The following CLSTN2 variants were observed in gnomAD, a reference collection of about 807,000 sequenced individuals.
CLSTN2 encodes calsyntenin 2.
CLSTN2 carries 48 observed loss-of-function variants against 101.2 expected under a neutral mutation model. The ratio of observed to expected loss-of-function variants is 0.47; its 90% CI spans 0.38 to 0.60. The LOEUF (loss-of-function observed/expected upper bound fraction) is 0.60, where lower values mean the gene tolerates loss of function less well. CLSTN2 is among the 20% of genes least tolerant of loss of function. The pLI, the probability that CLSTN2 is intolerant of heterozygous loss-of-function variation, is 0.00. For missense variants in CLSTN2, 1,160 were observed against 1,238.2 expected (o/e 0.94, Z 0.95); for synonymous variants, 481 against 463.6 (o/e 1.04, Z -0.48).
intron 2 of CLSTN2, among the ~76,000 whole-genome samples, chr3:140,217,072 G>A (rs2010930217): frequency 2.6e-5 from 4 of 152,288 alleles, no homozygotes; most frequent in Admixed American, 2.6e-4. Context: ...CTGAATCCCA[G>A]TGATGTGACT....
chr3:140,067,547 C>T (rs1370888674), intron 1 of CLSTN2, among the ~76,000 whole-genome samples: 4 of 152,146 alleles, frequency 2.6e-5, no homozygotes, highest in Non-Finnish European at 2.9e-5. Flanking sequence ...GCATTATGCC[C>T]ATTTTAGAGA....
At chr3:140,329,553 G>A (rs1049910135) in intron 2 of CLSTN2, among the ~76,000 whole-genome samples, 1 of 151,972 alleles carries the variant, frequency 6.6e-6, no homozygotes, top group Non-Finnish European at 1.5e-5. Context: ...CTAGTGAAAG[G>A]ATTGAGATAT....
At chr3:140,496,483 C>T (rs2107760025) in intron 8 of CLSTN2, among the ~76,000 whole-genome samples, 1 of 152,232 alleles carries the variant, frequency 6.6e-6, no homozygotes. Context: ...TTTCCTGGGC[C>T]AAACTTCCAA....
intron 10 of CLSTN2, among the ~76,000 whole-genome samples, chr3:140,553,341 A>T (rs1935741260): frequency 6.6e-6 from 1 of 152,164 alleles, no homozygotes; most frequent in Non-Finnish European, 1.5e-5. Context: ...ATATTATCTC[A>T]TTTAAGACCC....
At chr3:140,049,150 A>T (rs2007939994) in intron 1 of CLSTN2, among the ~76,000 whole-genome samples, 1 of 152,190 alleles carries the variant, frequency 6.6e-6, no homozygotes, top group South Asian at 2.1e-4. Flanking sequence ...TCCATTGAGG[A>T]TACACTGACC....
intron 2 of CLSTN2, among the ~76,000 whole-genome samples, chr3:140,388,567 G>T (rs932707923): frequency 1.3e-5 from 2 of 152,184 alleles, no homozygotes; most frequent in African/African-American, 4.8e-5. Flanking sequence ...GACAGTTGTG[G>T]TTAAGAGGTG....
At chr3:140,274,899 G>A (rs531844737) in intron 2 of CLSTN2, among the ~76,000 whole-genome samples, 4 of 152,308 alleles carry the variant, frequency 2.6e-5, no homozygotes, top group East Asian at 1.9e-4. Context: ...CACTTCTGGC[G>A]AGCATGGAGG....
At chr3:140,468,603 G>A (rs775813908) in intron 8 of CLSTN2, among the ~76,000 whole-genome samples, 7 of 152,136 alleles carry the variant, frequency 4.6e-5, no homozygotes, top group East Asian at 1.9e-4. Context: ...AATTATTCTC[G>A]TCTCTGCTAC....
chr3:140,413,932 G>A (rs2088396171), intron 4 of CLSTN2, among the ~76,000 whole-genome samples: 1 of 152,060 alleles, frequency 6.6e-6, no homozygotes, highest in African/African-American at 2.4e-5. Context: ...CAAGGCCACA[G>A]CAAACATCAT....
intron 1 of CLSTN2, among the ~76,000 whole-genome samples, chr3:139,998,545 C>T (rs11920389): frequency 0.51 from 76,895 of 150,830 alleles, 21,758 homozygotes; most frequent in Non-Finnish European, 0.62. Flanking sequence ...GGGGTTTCAC[C>T]GTGTTTGCCA....
At chr3:140,564,786 A>G (rs1484987643) in intron 16 of CLSTN2, among the ~76,000 whole-genome samples, 2 of 152,252 alleles carry the variant, frequency 1.3e-5, no homozygotes, top group African/African-American at 4.8e-5. Context: ...ATTTAAGGTT[A>G]TCTGATTCTG....
intron 2 of CLSTN2, among the ~76,000 whole-genome samples, chr3:140,377,022 C>CACAGAGAGAGAGAG (rs148236356): frequency 0.029 from 4,322 of 148,534 alleles, 185 homozygotes; most frequent in African/African-American, 0.088. Flanking sequence ...CACACATACA[C>CACAGAGAGAGAGAG]AGAGAGAGAG....
chr3:140,075,277 G>T (rs1044109495), intron 1 of CLSTN2, among the ~76,000 whole-genome samples: 1 of 152,128 alleles, frequency 6.6e-6, no homozygotes, highest in East Asian at 1.9e-4. Context: ...ATGTTTCAGT[G>T]CACTAATATT....
intron 2 of CLSTN2, among the ~76,000 whole-genome samples, chr3:140,339,657 ATGT>A (rs1186054399): frequency 2.6e-5 from 4 of 152,184 alleles, no homozygotes; most frequent in South Asian, 2.1e-4. Context: ...AGAGGCTTAG[ATGT>A]TGTGTCCTTA....
At chr3:140,304,187 TA>T (rs908697801) in intron 2 of CLSTN2, among the ~76,000 whole-genome samples, 10 of 152,218 alleles carry the variant, frequency 6.6e-5, no homozygotes, top group Non-Finnish European at 1.5e-5. Context: ...TAACTGTGGC[TA>T]ACCTAAAACT....
chr3:140,223,450 C>G (rs985978049), intron 2 of CLSTN2, among the ~76,000 whole-genome samples: 11 of 152,290 alleles, frequency 7.2e-5, no homozygotes, highest in Admixed American at 2.6e-4. Flanking sequence ...TTGGAGGGAG[C>G]TAAAGGGGGT....
intron 2 of CLSTN2, among the ~76,000 whole-genome samples, chr3:140,302,315 C>G (rs1576506200): frequency 6.6e-6 from 1 of 152,130 alleles, no homozygotes; most frequent in East Asian, 1.9e-4. Flanking sequence ...TGCTGACATA[C>G]AGGGACCATA....
In CLSTN2 at chr3:140,125,264, G is replaced by A. The variant is rs1401008263; in HGVS notation, c.110-50687G>A. Among the ~76,000 whole-genome samples the A allele has an allele frequency of 2.6e-5, 4 of 152,074 alleles. No homozygotes were observed. In the South Asian group the frequency reaches 6.2e-4, roughly 24 times the overall value. On this transcript the variant is annotated intron_variant, in intron 1 of 16. Coordinates refer to ENST00000458420, the MANE Select transcript of CLSTN2 (RefSeq NM_022131.3). ...CAGGGGAGTGAAGCTGTAGGGTGGG[G>A]AGTGTCAGAGTCCATTTTAAGGCAC...
chr3:140,016,054 A>G (rs2007194001), intron 1 of CLSTN2, among the ~76,000 whole-genome samples: 1 of 152,228 alleles, frequency 6.6e-6, no homozygotes, highest in Admixed American at 6.5e-5. Context: ...TAGTCACTTT[A>G]TAGGAGGACT....
Sources: allele counts gnomAD v4.1 joint callset (sites outside exome capture counted in the v4.1 genomes callset), GRCh38; gene constraint gnomAD v4.1.1; transcripts MANE v1.5; gene names NCBI Gene and HGNC (gene_info 2026-07-23, HGNC 2026-07-21).